Variants in ZNF142 observed in about 807,000 individuals in gnomAD.
ZNF142 encodes zinc finger protein 142 (clone pHZ-49).
A neutral mutation model predicts 132.1 loss-of-function variants in ZNF142; 96 were observed. That is an observed-to-expected ratio of 0.73 (90% confidence interval 0.62 to 0.86). ZNF142 has a LOEUF of 0.86. ZNF142 is among the 40% of genes least tolerant of loss of function. ZNF142 has a pLI of 0.00. For missense variants in ZNF142, 2,163 were observed against 2,336.2 expected (o/e 0.93, Z 1.53); for synonymous variants, 842 against 890.1 (o/e 0.95, Z 0.96).
In ZNF142 at chr2:218,642,701, A is replaced by C; in HGVS notation, c.4415T>G (p.Ile1472Ser). 1 of 1,614,036 alleles carries C rather than the reference A, an allele frequency of 6.2e-7. No homozygotes were observed. The highest frequency in any genetic ancestry group is 8.5e-7 in the Non-Finnish European group (1 of 1,180,020). Residue 1472 changes from isoleucine (I) to serine (S), a missense_variant, in exon 9 of 11, where the codon ATC becomes AGC. By Grantham distance (142) the Ile-to-Ser change is moderately radical. Around this residue, in one of 7 missense-constraint regions of ZNF142, gnomAD observed 809 missense variants for 801.7 expected, o/e 1.01. Coordinates refer to ENST00000411696, the MANE Select transcript of ZNF142 (RefSeq NM_001379659.1). This position sits in a 1 kb window ranked among gnomAD's most constrained non-coding sequence, Gnocchi z 4.6. Reference sequence around the variant, plus strand: ...GTGGCAGCTGTTGACATGACGAGTGATGTCATGGCGAAGGTAGCCACTATA... The same window carrying C: ...GTGGCAGCTGTTGACATGACGAGTGCTGTCATGGCGAAGGTAGCCACTATA... ...CDYSGYLRHD[I>S]TRHVNSCHQG...
rs201955735 is a variant in ZNF142 at position 218,642,474 on chromosome 2, G to A, written c.4642C>T (p.Arg1548Cys). The A allele has an allele frequency of 5.8e-5, 93 of 1,609,750 alleles. No individual in the cohort carries two copies. The highest frequency in any genetic ancestry group is 5.1e-4 in the East Asian group (23 of 44,818). ...CACTCAAGCCGTGGGTGCTGTTTAC[G>A]GGTGTGTCCTCGTAAGCTGGCAGGG... ...PSPASLRGHT[R>C]KQHPRLECGA... The change falls in exon 9 of 11, where the codon CGT becomes TGT. Residue 1548 changes from arginine (R) to cysteine (C), a missense_variant. Transcript: ENST00000411696. This position sits in a 1 kb window ranked among gnomAD's most constrained non-coding sequence, Gnocchi z 4.6.
Position 218,635,071 on chromosome 2 carries a change from T to A in ZNF142, c.*3268A>T, listed in dbSNP as rs1480267907. On this transcript the variant is annotated 3_prime_UTR_variant, in exon 11 of 11. Transcript: ENST00000411696. ...CTGAAACTGGTCTCAACAAAAAATT[T>A]AAAAATTTTGTAGAGACTCCCGTCT... is the stretch of plus-strand genomic sequence containing the variant. Among the ~76,000 whole-genome samples, 2 of 152,008 alleles carry A rather than the reference T, an allele frequency of 1.3e-5. No individual in the cohort carries two copies. The highest frequency in any genetic ancestry group is 4.8e-5 in the African/African-American group (2 of 41,478).
chr2:218,633,757 G>A lies in ZNF142; in HGVS notation c.*4582C>T. The A allele has an allele frequency of 3.1e-6, 5 of 1,613,886 alleles. No individual in the cohort carries two copies. In the African/African-American group the frequency reaches 6.7e-5, roughly 22 times the overall value. ...CCAAGGCCAAGCGCCTCATCAAGGA[G>A]GCTGGTCAGGACCAAAATGGAGGGA... On this transcript the variant is annotated 3_prime_UTR_variant, in exon 11 of 11. Coordinates refer to ENST00000411696, the MANE Select transcript of ZNF142 (RefSeq NM_001379659.1).
In ZNF142 at chr2:218,644,964, C is replaced by G. The variant is rs765746704; in HGVS notation, c.2152G>C (p.Ala718Pro). 1.2e-6 allele frequency: 2 copies of G among 1,614,152 alleles called. No individual in the cohort carries two copies. Among genetic ancestry groups the G allele is most frequent in the Admixed American group, 3.3e-5 (2 of 60,024 alleles). ...TCATACTTCCGCTTGCAGGCGAAGG[C>G]ACACACCTCACACATCAGAGACTTG... ...QGKSLMCEVC[A>P]FACKRKYELQ... The change falls in exon 9 of 11, where the codon GCC (alanine) becomes CCC (proline). Residue 718 changes from alanine (A) to proline (P), a missense_variant. Coordinates refer to ENST00000411696, the MANE Select transcript of ZNF142 (RefSeq NM_001379659.1). This position sits in a 1 kb window ranked among gnomAD's most constrained non-coding sequence, Gnocchi z 4.6.
rs763551882 is a variant in ZNF142 at position 218,635,909 on chromosome 2, G to C, written c.*2430C>G. On this transcript the variant is annotated 3_prime_UTR_variant, in exon 11 of 11. Coordinates refer to ENST00000411696, the MANE Select transcript of ZNF142 (RefSeq NM_001379659.1). ...TTCGTCTAGACACAGCACGGCAGGAGACCAACTATGTGGAGAACAATGGTG... is the reference window on the plus strand; with the variant it reads ...TTCGTCTAGACACAGCACGGCAGGACACCAACTATGTGGAGAACAATGGTG... 1.2e-6 allele frequency: 2 copies of C among 1,613,924 alleles called. No individual in the cohort carries two copies. Among genetic ancestry groups the C allele is most frequent in the Non-Finnish European group, 1.7e-6 (2 of 1,179,918 alleles).
At position 218,637,544 on chromosome 2, in the gene ZNF142, T is replaced by C. The variant is rs1010265747; in HGVS notation, c.*795A>G. Among the ~76,000 whole-genome samples, 2 of 152,218 alleles carry C rather than the reference T, an allele frequency of 1.3e-5. No homozygotes were observed. The highest frequency in any genetic ancestry group is 2.4e-5 in the African/African-American group (1 of 41,458). On this transcript the variant is annotated 3_prime_UTR_variant, in exon 11 of 11. Coordinates refer to ENST00000411696, the MANE Select transcript of ZNF142 (RefSeq NM_001379659.1). Reference sequence around the variant, plus strand: ...TGTGAAGCAGTTATAGAATTCTGAATTGGAGATTTTCCTCTCTAGTCATCT... The same window carrying C: ...TGTGAAGCAGTTATAGAATTCTGAACTGGAGATTTTCCTCTCTAGTCATCT...
Position 218,644,795 on chromosome 2 carries a change from TG to T in ZNF142, c.2320del (p.His774ThrfsTer86). 6.2e-7 allele frequency: 1 copy of T among 1,614,126 alleles called. No individual in the cohort carries two copies. Among genetic ancestry groups the T allele is most frequent in the Non-Finnish European group, 8.5e-7 (1 of 1,180,018 alleles). On this transcript the variant is annotated frameshift_variant, in exon 9 of 11. Coordinates refer to ENST00000411696, the MANE Select transcript of ZNF142 (RefSeq NM_001379659.1). LOFTEE classifies it high-confidence loss of function. The surrounding 1 kb of genome is among the most constrained non-coding windows in gnomAD (Gnocchi z 4.6). ...GGTGCGGTAGTCACAGAGGGCACAG[TG>T]GAACTCACGGAGGCGGGTATGCTTG... ...NCKHTRLREF[H>X]CALCDYRTFS...
intron 10 of ZNF142, 103 bp from the exon 11 acceptor site, chr2:218,638,911 T>C (rs1384252876): frequency 3.6e-5 from 32 of 883,722 alleles, no homozygotes; most frequent in Admixed American, 3.6e-4. Flanking sequence ...AAGCAGCAAG[T>C]TGACTAATGA....
chr2:218,640,810 G>A (rs1287211314), intron 9 of ZNF142, 41 bp from the exon 10 acceptor site: 2 of 1,512,270 alleles, frequency 1.3e-6, no homozygotes, highest in South Asian at 2.3e-5. Context: ...TATAGTAAGT[G>A]CTCAATAAAT....
In ZNF142 at chr2:218,643,326, T is replaced by C. The variant is rs1697409646; in HGVS notation, c.3790A>G (p.Thr1264Ala). 1.2e-6 allele frequency: 2 copies of C among 1,613,994 alleles called. No individual in the cohort carries two copies. The highest frequency in any genetic ancestry group is 1.7e-5 in the Admixed American group (1 of 60,006). ...CTCAACGGGGACACATCAGGCTGGG[T>C]CTGGGGGGTCCCTCGTTTTCCTCCC... ...GGGGKRGTPQ[T>A]QPDVSPLSNG... Residue 1264 changes from threonine to alanine, a missense_variant, in exon 9 of 11, where the codon ACC becomes GCC. By Grantham distance (58) the Thr-to-Ala change is moderately conservative. Transcript: ENST00000411696.
Position 218,633,946 on chromosome 2 carries a change from A to C in ZNF142, c.*4393T>G. 8.2e-7 allele frequency: 1 copy of C among 1,224,644 alleles called. No homozygotes were observed. The allele number at this position is 1,224,644 out of a possible 1,614,324, so 75.9% of individuals were successfully genotyped here. A position where few individuals can be genotyped will look rare whatever the true frequency, so the allele number is the denominator to read the frequency against. On this transcript the variant is annotated 3_prime_UTR_variant, in exon 11 of 11. Coordinates refer to ENST00000411696, the MANE Select transcript of ZNF142 (RefSeq NM_001379659.1). ...AGTGGCTCAAGGGTCTAGGGGCAGG[A>C]AAGCTGGTCTGGATGGACAGAGTAG...
Position 218,642,048 on chromosome 2 carries a change from C to T in ZNF142, c.5068G>A (p.Ala1690Thr). ...YHCHLCPYAC[A>T]DPSRLKYHMR... ...ATTACCTTGAGACGAGAGGGATCAG[C>T]ACAGGCATAGGGGCAGAGGTGACAG... is the stretch of plus-strand genomic sequence containing the variant. Residue 1690 changes from alanine to threonine, a missense_variant, in exon 9 of 11, where the codon GCT (alanine) becomes ACT (threonine). Ala to Thr is a moderately conservative substitution (Grantham distance 58). Transcript: ENST00000411696. The surrounding 1 kb of genome is among the most constrained non-coding windows in gnomAD (Gnocchi z 4.6). The T allele has an allele frequency of 2.5e-6, 4 of 1,614,050 alleles. No homozygotes were observed. The highest frequency in any genetic ancestry group is 3.4e-6 in the Non-Finnish European group (4 of 1,179,934).
chr2:218,645,909 C>T (rs1697688627), intron 8 of ZNF142, among the ~76,000 whole-genome samples: 1 of 152,196 alleles, frequency 6.6e-6, no homozygotes, highest in South Asian at 2.1e-4. Flanking sequence ...TTACAGGCGT[C>T]TGCTACCATG....
Position 218,635,728 on chromosome 2 carries a change from G to A in ZNF142, c.*2611C>T, listed in dbSNP as rs1169194735. 13 of 1,548,422 alleles carry A rather than the reference G, an allele frequency of 8.4e-6. No individual in the cohort carries two copies. The highest frequency in any genetic ancestry group is 1.4e-5 in the African/African-American group (1 of 73,042). Reference sequence around the variant, plus strand: ...ACCAAAAAGCTTCTTCTCCCCTGGGGTTGGGAGTAGGGTCGGGTGGGGCTG... The same window carrying A: ...ACCAAAAAGCTTCTTCTCCCCTGGGATTGGGAGTAGGGTCGGGTGGGGCTG... On this transcript the variant is annotated 3_prime_UTR_variant, in exon 11 of 11. Transcript: ENST00000411696.
chr2:218,644,539 C>T lies in ZNF142; in HGVS notation c.2577G>A (p.Met859Ile). The change falls in exon 9 of 11, where the codon ATG (methionine) becomes ATA (isoleucine). Residue 859 changes from methionine (M) to isoleucine (I), a missense_variant. This residue lies in a region of ZNF142 where 749 missense variants were observed against 830.3 expected (regional missense o/e 0.90). Transcript: ENST00000411696. The surrounding 1 kb of genome is among the most constrained non-coding windows in gnomAD (Gnocchi z 4.6). ...GTCTTCCAGTGTTGACCTCCTCACT[C>T]ATCTCTGGCAGGGCCTGGTCCAAGC... ...DPSLDQALPE[M>I]SEEVNTGRQE... 6.2e-7 allele frequency: 1 copy of T among 1,614,078 alleles called. No individual in the cohort carries two copies. The highest frequency in any genetic ancestry group is 8.5e-7 in the Non-Finnish European group (1 of 1,180,038).
At position 218,654,222 on chromosome 2, in the gene ZNF142, A is replaced by G. The variant is rs1938272855; in HGVS notation, c.281-1922T>C. On this transcript the variant is annotated intron_variant, in intron 4 of 10. Coordinates refer to ENST00000411696, the MANE Select transcript of ZNF142 (RefSeq NM_001379659.1). ...CTACAGTGGAATTAGTGGTCAGAGT[A>G]TGCAAATTGTAAAATTTGCTATGTA... Among the ~76,000 whole-genome samples the G allele has an allele frequency of 2.0e-5, 3 of 152,162 alleles. No individual in the cohort carries two copies. In the South Asian group the frequency reaches 6.2e-4, roughly 32 times the overall value.
rs747968356 is a variant in ZNF142 at position 218,633,649 on chromosome 2, C to T, written c.*4690G>A. 6.2e-7 allele frequency: 1 copy of T among 1,613,496 alleles called. No homozygotes were observed. On this transcript the variant is annotated 3_prime_UTR_variant, in exon 11 of 11. Transcript: ENST00000411696. ...GTCCAGCCCTCTCTTCCCTGGTTATCTACTTGAAGTCTGTCTCATTCCGCA... is the reference window on the plus strand; with the variant it reads ...GTCCAGCCCTCTCTTCCCTGGTTATTTACTTGAAGTCTGTCTCATTCCGCA...
Position 218,638,735 on chromosome 2 carries a change from C to T in ZNF142, c.5268G>A (p.Glu1756=). The T allele has an allele frequency of 1.2e-6, 2 of 1,613,290 alleles. No homozygotes were observed. Among genetic ancestry groups the T allele is most frequent in the East Asian group, 4.5e-5 (2 of 44,874 alleles). ...NRADALRVHQ[E]TRHREARAFM... ...AAGCCCGTGCTTCTCGATGCCGGGT[C>T]TCCTGGTGCACACGCAGTGCATCAG... The change falls in exon 11 of 11, where the codon GAG becomes GAA. Residue 1756 remains glutamate, a synonymous_variant. Coordinates refer to ENST00000411696, the MANE Select transcript of ZNF142 (RefSeq NM_001379659.1).
In ZNF142 at chr2:218,651,852, G is replaced by A. The variant is rs763110878; in HGVS notation, c.729C>T (p.His243=). The A allele has an allele frequency of 1.3e-4, 171 of 1,289,904 alleles. No individual in the cohort carries two copies. The Middle Eastern group carries it at 4.5e-3, about 34-fold the overall frequency. 79.9% of individuals were successfully genotyped at this position (1,289,904 alleles called of 1,614,324 possible). A position where few individuals can be genotyped will look rare whatever the true frequency, so the allele number is the denominator to read the frequency against. The stretch of plus-strand genomic sequence containing the variant: ...AGTGGAAAGGGTAATGCGCCTGCCG[G>A]TGCAGCTCCATGCCCTGCTGGCTCC... The part of the protein sequence containing the change: ...LFGSQQGMEL[H]RQAHYPFHCS... Residue 243 remains histidine (H), a synonymous_variant, in exon 5 of 11, where the codon CAC becomes CAT. Transcript: ENST00000411696.
Sources: gnomAD v4.1 joint callset for allele counts (sites outside exome capture counted in the v4.1 genomes callset) on GRCh38, gnomAD v4.1.1 for gene constraint, gnomAD v4.1.1 regional missense constraint, Gnocchi (gnomAD v3.1) non-coding constraint, MANE v1.5 for transcripts, NCBI Gene and HGNC (gene_info 2026-07-23, HGNC 2026-07-21) for gene names.